The following TCF4 variants were observed in gnomAD, a reference collection of about 807,000 sequenced individuals.
TCF4 encodes SL3-3 enhancer factor 2.
TCF4 carries 3 observed loss-of-function variants against 82.1 expected under a neutral mutation model. The observed-to-expected ratio is 0.04, with a 90% confidence interval of 0.02 to 0.09. The LOEUF (loss-of-function observed/expected upper bound fraction) is 0.09. Among genes scored for constraint, TCF4 ranks in the 10% least tolerant of loss-of-function variants. The probability of loss-of-function intolerance (pLI) is 1.00; values close to 1 mark genes in which losing one functional copy is unlikely to be tolerated. For synonymous variants in TCF4, 276 were observed against 309.6 expected, an observed-to-expected ratio of 0.89 and a Z score of 1.14; for missense variants, 518 against 852.7, an observed-to-expected ratio of 0.61 and a Z score of 4.89.
chr18:55,365,191 A>ATATATATATATATGTGTGTGTGTGTGTG (rs1361444592), intron 6 of TCF4, among the ~76,000 whole-genome samples: 1 of 97,948 alleles, frequency 1.0e-5, no homozygotes, highest in African/African-American at 5.0e-5. Context: ...ATATATATAT[A>ATATATATATATATGTGTGTGTGTGTGTG]TGTGTGTGTG....
chr18:55,351,694 C>T lies in TCF4; in HGVS notation c.370-691G>A, dbSNP rs947932757. ...TTACCTGAACACTAGAAAACTTCCA[C>T]AATAACCTATCACAGTGTGACAATT... On this transcript the variant is annotated intron_variant, in intron 6 of 19. Coordinates refer to ENST00000354452, the MANE Select transcript of TCF4 (RefSeq NM_001083962.2). 6 of 346,682 alleles carry T rather than the reference C, an allele frequency of 1.7e-5. No individual in the cohort carries two copies. The Admixed American group carries it at 3.2e-4, about 19-fold the overall frequency. 21.5% of individuals were successfully genotyped at this position (346,682 alleles called of 1,614,324 possible).
intron 3 of TCF4, among the ~76,000 whole-genome samples, chr18:55,518,019 A>C (rs1364186434): frequency 3.9e-5 from 6 of 152,174 alleles, no homozygotes; most frequent in African/African-American, 1.4e-4. Flanking sequence ...TTGCACAGTA[A>C]CTTTTCTGCC....
intron 6 of TCF4, among the ~76,000 whole-genome samples, chr18:55,368,200 A>G (rs2087784714): frequency 6.6e-6 from 1 of 152,206 alleles, no homozygotes; most frequent in Admixed American, 6.5e-5. Context: ...AGCCTGGCCA[A>G]CATGGAGAAA....
chr18:55,581,842 T>C (rs149274575), intron 3 of TCF4, among the ~76,000 whole-genome samples: 210 of 152,248 alleles, frequency 1.4e-3, no homozygotes, highest in Admixed American at 3.4e-3. Flanking sequence ...CTGCTCTTAA[T>C]TGTTCAAACA....
chr18:55,225,822 CAA>C lies in TCF4; in HGVS notation c.*2211_*2212del, dbSNP rs996025702. ...ACATTTTAGGAACTTATCAACAAAT[CAA>C]AGTTATTTTAGTTTTATCGCTACTG... On this transcript the variant is annotated 3_prime_UTR_variant, in exon 20 of 20. Transcript: ENST00000354452. 3.3e-5 allele frequency: 5 copies of C among 152,464 alleles called. No homozygotes were observed. The highest frequency in any genetic ancestry group is 1.2e-4 in the African/African-American group (5 of 41,418). The allele number at this position is 152,464 out of a possible 1,614,324, so 9.4% of individuals were successfully genotyped here.
intron 3 of TCF4, among the ~76,000 whole-genome samples, chr18:55,505,620 C>A (rs1385741228): frequency 4.0e-5 from 6 of 151,418 alleles, no homozygotes; most frequent in Non-Finnish European, 8.8e-5. Context: ...CCGGCTAAAA[C>A]GGTGAAACCC....
intron 2 of TCF4, among the ~76,000 whole-genome samples, chr18:55,612,624 A>T (rs1238543564): frequency 6.6e-6 from 1 of 152,056 alleles, no homozygotes; most frequent in Non-Finnish European, 1.5e-5. Context: ...TTATTTTTTT[A>T]AATTGTATAC....
At chr18:55,287,834 T>A (rs144179444) in intron 8 of TCF4, among the ~76,000 whole-genome samples, 3,167 of 152,308 alleles carry the variant, frequency 0.021, 60 homozygotes, top group Non-Finnish European at 0.032. Flanking sequence ...GTCAACAATA[T>A]CCTCTTATGT....
At chr18:55,475,709 T>C (rs903641185) in intron 3 of TCF4, among the ~76,000 whole-genome samples, 4 of 152,194 alleles carry the variant, frequency 2.6e-5, no homozygotes, top group Non-Finnish European at 5.9e-5. Flanking sequence ...CAACTGGTTT[T>C]GACAGCCGCA....
At chr18:55,545,845 C>T (rs886322407) in intron 3 of TCF4, among the ~76,000 whole-genome samples, 6 of 152,132 alleles carry the variant, frequency 3.9e-5, no homozygotes, top group South Asian at 2.1e-4. Flanking sequence ...AAAGAAGATG[C>T]GGTCCCTGTC....
At chr18:55,631,800 A>T (rs1300597911) in intron 1 of TCF4, among the ~76,000 whole-genome samples, 1 of 152,208 alleles carries the variant, frequency 6.6e-6, no homozygotes, top group Non-Finnish European at 1.5e-5. Context: ...CAAAACTTGC[A>T]TAACCAACCT....
At chr18:55,313,777 G>A (rs914670043) in intron 8 of TCF4, among the ~76,000 whole-genome samples, 4 of 152,100 alleles carry the variant, frequency 2.6e-5, no homozygotes, top group African/African-American at 9.7e-5. Context: ...TCAACCAGAA[G>A]AAAAGTATAA....
intron 3 of TCF4, among the ~76,000 whole-genome samples, chr18:55,581,623 T>A (rs767459023): frequency 6.6e-6 from 1 of 152,032 alleles, no homozygotes; most frequent in Non-Finnish European, 1.5e-5. Flanking sequence ...CACTATGAAC[T>A]CAAAACTAAT....
chr18:55,334,129 A>G (rs1173865745), intron 8 of TCF4, among the ~76,000 whole-genome samples: 1 of 152,154 alleles, frequency 6.6e-6, no homozygotes, highest in Non-Finnish European at 1.5e-5. Flanking sequence ...CATTCCATAA[A>G]TGAAATGGAA....
At chr18:55,596,830 A>G (rs1162248721) in intron 2 of TCF4, among the ~76,000 whole-genome samples, 4 of 148,542 alleles carry the variant, frequency 2.7e-5, no homozygotes, top group African/African-American at 4.9e-5. Context: ...AGGTTATCAT[A>G]AAAAAAAAAG....
rs180751025 is a variant in TCF4 at position 55,374,990 on chromosome 18, A to C, written c.370-23987T>G. Among the ~76,000 whole-genome samples, 115 of 151,902 alleles carry C rather than the reference A, an allele frequency of 7.6e-4. 1 individual carries two copies. The highest frequency in any genetic ancestry group is 1.4e-3 in the Non-Finnish European group (97 of 67,948). On this transcript the variant is annotated intron_variant, in intron 6 of 19. Transcript: ENST00000354452. Reference sequence around the variant, plus strand: ...AGAAAGAAAATTTCCCAATGCATTCAACAGGAGCACATAAAGCCAAGATGT... The same window carrying C: ...AGAAAGAAAATTTCCCAATGCATTCCACAGGAGCACATAAAGCCAAGATGT...
At position 55,260,055 on chromosome 18, in the gene TCF4, C is replaced by T. The variant is rs751051789; in HGVS notation, c.991-28G>A. ...TAAAACAATAAGGAGAAAAAAAAAA[C>T]ACCCTCATTCATTAAAATAATTCAC... On this transcript the variant is annotated intron_variant, in intron 12 of 19. Transcript: ENST00000354452. 7.9e-6 allele frequency: 11 copies of T among 1,395,880 alleles called. No homozygotes were observed. In the South Asian group the frequency reaches 1.3e-4, roughly 16 times the overall value. 86.5% of individuals were successfully genotyped at this position (1,395,880 alleles called of 1,614,324 possible). A position where few individuals can be genotyped will look rare whatever the true frequency, so the allele number is the denominator to read the frequency against.
chr18:55,323,774 A>G (rs558893337), intron 8 of TCF4, among the ~76,000 whole-genome samples: 27 of 152,310 alleles, frequency 1.8e-4, no homozygotes, highest in African/African-American at 6.3e-4. Flanking sequence ...ATTTAAAGAG[A>G]TAAGTTGGGG....
intron 10 of TCF4, among the ~76,000 whole-genome samples, chr18:55,275,382 G>C (rs2061319200): frequency 6.6e-6 from 1 of 151,482 alleles, no homozygotes; most frequent in African/African-American, 2.4e-5. Flanking sequence ...GATAAAGAAG[G>C]CACAGAGCAA....
Sources: gnomAD v4.1 joint callset for allele counts (sites outside exome capture counted in the v4.1 genomes callset) on GRCh38, gnomAD v4.1.1 for gene constraint, MANE v1.5 for transcripts, NCBI Gene and HGNC (gene_info 2026-07-23, HGNC 2026-07-21) for gene names.